CORO7: variants seen among roughly 807,000 people sequenced by gnomAD.
CORO7 encodes coronin-7.
In CORO7, 107 loss-of-function variants were observed where a neutral mutation model predicts 126.6. The observed-to-expected ratio is 0.85, with a 90% CI of 0.72 to 0.99. The LOEUF (loss-of-function observed/expected upper bound fraction) is 0.99. Among genes scored for constraint, CORO7 ranks in the 50% least tolerant of loss-of-function variants. The pLI, the probability that CORO7 is intolerant of heterozygous loss-of-function variation, is 0.00. For synonymous variants in CORO7, 603 were observed against 536.8 expected (o/e 1.12, Z -1.70); for missense variants, 1,314 against 1,255.8 (o/e 1.05, Z -0.70).
At chr16:4,402,508 A>G (rs1386162748) in intron 6 of CORO7, among the ~76,000 whole-genome samples, 1 of 152,030 alleles carries the variant, frequency 6.6e-6, no homozygotes, top group Non-Finnish European at 1.5e-5. Flanking sequence ...CGTCCTCCCA[A>G]AGTGCTGGGA....
intron 9 of CORO7, among the ~76,000 whole-genome samples, chr16:4,377,857 C>T (rs2054801292): frequency 6.6e-6 from 1 of 152,164 alleles, no homozygotes; most frequent in Non-Finnish European, 1.5e-5. Flanking sequence ...GGCTGGCTGC[C>T]GCCTGCTGGA....
At position 4,361,464 on chromosome 16, in the gene CORO7, C is replaced by T; in HGVS notation, c.1584G>A (p.Arg528=). ...SGGQVAVLEL[R]KPGRLPDTAL... ...CCGTGTCGGGCAGGCGGCCAGGCTTCCGTAGCTGTGGGAGGTGCCCCCACC... is the reference window on the plus strand; with the variant it reads ...CCGTGTCGGGCAGGCGGCCAGGCTTTCGTAGCTGTGGGAGGTGCCCCCACC... Residue 528 remains arginine, a synonymous_variant, in exon 17 of 28, where the codon CGG becomes CGA. Coordinates refer to ENST00000251166, the MANE Select transcript of CORO7 (RefSeq NM_024535.5). 1 of 1,611,594 alleles carries T rather than the reference C, an allele frequency of 6.2e-7. No homozygotes were observed. The highest frequency in any genetic ancestry group is 8.5e-7 in the Non-Finnish European group (1 of 1,179,752).
intron 9 of CORO7, among the ~76,000 whole-genome samples, chr16:4,367,230 C>T (rs992809272): frequency 3.3e-5 from 5 of 152,214 alleles, no homozygotes; most frequent in African/African-American, 1.2e-4. Context: ...CCTTTGCATC[C>T]CGGCCTGACC....
At chr16:4,382,429 G>A (rs201568220) in intron 9 of CORO7, 208 of 1,610,966 alleles carry the variant, frequency 1.3e-4, no homozygotes, top group Non-Finnish European at 1.6e-4. Context: ...TGCCTCGCTC[G>A]CTGAGTACAC....
intron 3 of CORO7, among the ~76,000 whole-genome samples, chr16:4,411,492 A>G (rs2056205833): frequency 6.6e-6 from 1 of 152,162 alleles, no homozygotes; most frequent in South Asian, 2.1e-4. Context: ...GCTTGAGCCC[A>G]GAAGTTTGAG....
At position 4,412,278 on chromosome 16, in the gene CORO7, C is replaced by A. The variant is rs2056240396; in HGVS notation, c.232+78G>T. 2.0e-6 allele frequency: 3 copies of A among 1,518,804 alleles called. No individual in the cohort carries two copies. The African/African-American group carries it at 4.1e-5, about 21-fold the overall frequency. 94.1% of individuals were successfully genotyped at this position (1,518,804 alleles called of 1,614,324 possible). ...CTGGCAAGCCATGCGGCAGTGGGAC[C>A]AGGTGAGGATGAATTTCTGGCCCTG... On this transcript the variant is annotated intron_variant, in intron 3 of 27. Coordinates refer to ENST00000251166, the MANE Select transcript of CORO7 (RefSeq NM_024535.5).
At chr16:4,400,598 G>A (rs907647154) in intron 6 of CORO7, among the ~76,000 whole-genome samples, 1 of 151,218 alleles carries the variant, frequency 6.6e-6, no homozygotes, top group South Asian at 2.1e-4. Context: ...GTGCCATTGC[G>A]CTCCAGCCTG....
intron 6 of CORO7, among the ~76,000 whole-genome samples, chr16:4,397,618 T>A (rs2055647024): frequency 6.6e-6 from 1 of 152,082 alleles, no homozygotes; most frequent in Admixed American, 6.5e-5. Context: ...TTTTTGTATT[T>A]GTTTTTGTTT....
At chr16:4,357,594 G>C (rs2054019004) in intron 25 of CORO7, 1 of 336,034 alleles carries the variant, frequency 3.0e-6, no homozygotes, top group Non-Finnish European at 5.4e-6. Flanking sequence ...GACCTCAGGT[G>C]ATCCACTCGC....
chr16:4,355,420 G>A (rs2053945189), intron 26 of CORO7, 48 bp from the exon 27 acceptor site: 4 of 1,544,214 alleles, frequency 2.6e-6, no homozygotes, highest in Non-Finnish European at 3.5e-6. Flanking sequence ...AGGACTCCCT[G>A]TTCCCTCTCC....
rs569055634 is a variant in CORO7, at chr16:4,374,214, C to G, written c.786-8669G>C. 6.6e-5 allele frequency among the ~76,000 whole-genome samples: 10 copies of G among 152,118 alleles called. No individual in the cohort carries two copies. In the South Asian group the frequency reaches 2.1e-3, roughly 32 times the overall value. ...GGGTGGGTGGGGGTGTTTGGGGGAG[C>G]CTGCTTGCACCAGGAGGGGCAGGGC... is the stretch of plus-strand genomic sequence containing the variant. On this transcript the variant is annotated intron_variant, in intron 9 of 27. Transcript: ENST00000251166.
rs1177548579 is a variant in CORO7, at chr16:4,365,055, C to T, written c.846G>A (p.Glu282=). Residue 282 remains glutamate (E), a synonymous_variant, in exon 11 of 28, where the codon GAG becomes GAA. Coordinates refer to ENST00000251166, the MANE Select transcript of CORO7 (RefSeq NM_024535.5). Reference sequence around the variant, plus strand: ...CCACCTCGTAACAGTACAGCTGCCTCTCGCCCTGAAATGAGTCTGAACTGA... The same window carrying T: ...CCACCTCGTAACAGTACAGCTGCCTTTCGCCCTGAAATGAGTCTGAACTGA... ...SGLLVLAGKG[E]RQLYCYEVVP... is the part of the protein sequence containing the mutation. 1 of 1,599,912 alleles carries T rather than the reference C, an allele frequency of 6.3e-7. No homozygotes were observed. The highest frequency in any genetic ancestry group is 1.7e-4 in the Middle Eastern group (1 of 6,042).
At chr16:4,360,202 C>A (rs1344300326) in intron 21 of CORO7, 76 bp downstream of exon 21, 9 of 1,593,716 alleles carry the variant, frequency 5.6e-6, no homozygotes, top group Non-Finnish European at 7.7e-6. Context: ...GAAAGCCTGA[C>A]AAATGTATGT....
In CORO7 at chr16:4,361,373, G is replaced by T. The variant is rs147901888; in HGVS notation, c.1675C>A (p.Arg559Ser). 8 of 1,612,190 alleles carry T rather than the reference G, an allele frequency of 5.0e-6. No homozygotes were observed. The highest frequency in any genetic ancestry group is 5.1e-6 in the Non-Finnish European group (6 of 1,179,582). Residue 559 changes from arginine (R) to serine (S), a missense_variant, in exon 17 of 28, where the codon CGC becomes AGC. Physicochemically the swap from Arg to Ser is moderately radical, Grantham distance 110. Coordinates refer to ENST00000251166, the MANE Select transcript of CORO7 (RefSeq NM_024535.5). ...CCAGCCTCCTTACCCACAGCGAGGC[G>T]ATGGGGGTCAAAGGGGTCCCAGGCC... is the stretch of plus-strand genomic sequence containing the variant. ...DLAWDPFDPH[R>S]LAVAGEDARI...
rs1030682818 is a variant in CORO7 at position 4,413,529 on chromosome 16, T to G, written c.61-125A>C. 3.6e-6 allele frequency: 3 copies of G among 824,932 alleles called. No homozygotes were observed. The African/African-American group carries it at 5.4e-5, about 15-fold the overall frequency. The allele number at this position is 824,932 out of a possible 1,614,324, so 51.1% of individuals were successfully genotyped here. A position where few individuals can be genotyped will look rare whatever the true frequency, so the allele number is the denominator to read the frequency against. On this transcript the variant is annotated intron_variant, in intron 1 of 27. Coordinates refer to ENST00000251166, the MANE Select transcript of CORO7 (RefSeq NM_024535.5). ...CACAGCTGCACCATTCGAGATGCAT[T>G]CTTTTATTTACTTTTTTTTTCTTTT...
Position 4,413,520 on chromosome 16 carries a change from G to A in CORO7, c.61-116C>T, listed in dbSNP as rs566093865. 74 of 868,136 alleles carry A rather than the reference G, an allele frequency of 8.5e-5. No homozygotes were observed. In the African/African-American group the frequency reaches 1.1e-3, roughly 13 times the overall value. 53.8% of individuals were successfully genotyped at this position (868,136 alleles called of 1,614,324 possible). A position where few individuals can be genotyped will look rare whatever the true frequency, so the allele number is the denominator to read the frequency against. ...ACTCTAGCTCACAGCTGCACCATTCGAGATGCATTCTTTTATTTACTTTTT... is the reference window on the plus strand; with the variant it reads ...ACTCTAGCTCACAGCTGCACCATTCAAGATGCATTCTTTTATTTACTTTTT... On this transcript the variant is annotated intron_variant, in intron 1 of 27. Transcript: ENST00000251166.
intron 7 of CORO7, among the ~76,000 whole-genome samples, chr16:4,389,760 C>A (rs566740810): frequency 9.2e-5 from 14 of 152,236 alleles, no homozygotes; most frequent in African/African-American, 3.4e-4. Flanking sequence ...CCTCAACACC[C>A]GGAGAGGGTC....
chr16:4,386,406 A>G (rs1392804033), intron 9 of CORO7, among the ~76,000 whole-genome samples: 1 of 152,134 alleles, frequency 6.6e-6, no homozygotes, highest in Non-Finnish European at 1.5e-5. Context: ...TGGTGGGTGG[A>G]AGTGACTGGT....
intron 9 of CORO7, among the ~76,000 whole-genome samples, chr16:4,385,105 C>T (rs1329107289): frequency 6.6e-6 from 1 of 152,160 alleles, no homozygotes; most frequent in African/African-American, 2.4e-5. Context: ...GCAGCCTCGA[C>T]CCGGGACAAG....
Sources: gnomAD v4.1 joint callset for allele counts (sites outside exome capture counted in the v4.1 genomes callset) on GRCh38, gnomAD v4.1.1 for gene constraint, MANE v1.5 for transcripts, NCBI Gene and HGNC (gene_info 2026-07-23, HGNC 2026-07-21) for gene names.